The following CHP1 variants were observed in gnomAD, a reference collection of about 807,000 sequenced individuals.
CHP1 encodes the protein calcineurin B homologous protein 1.
Under a neutral mutation model 27.4 loss-of-function variants are expected in CHP1, and 11 were observed. The ratio of observed to expected loss-of-function variants is 0.40; its 90% CI spans 0.25 to 0.67. CHP1 has a LOEUF of 0.67. CHP1 is among the 30% of genes least tolerant of loss of function. The pLI is 0.38. For synonymous variants in CHP1, 89 were observed against 87.4 expected (o/e 1.02, Z -0.10); for missense variants, 169 against 251.3 (o/e 0.67, Z 2.22).
At chr15:41,232,101 C>T (rs1018441154) in intron 1 of CHP1, among the ~76,000 whole-genome samples, 1 of 152,032 alleles carries the variant, frequency 6.6e-6, no homozygotes, top group East Asian at 1.9e-4. Context: ...ACTTGCTGTC[C>T]TAATCTCATA....
chr15:41,255,588 G>T (rs1297463893), intron 2 of CHP1, among the ~76,000 whole-genome samples: 2 of 152,100 alleles, frequency 1.3e-5, no homozygotes, highest in African/African-American at 4.8e-5. Flanking sequence ...CAGTAGAATC[G>T]CTTGAACCCG....
chr15:41,266,999 C>CG (rs2140939490), intron 4 of CHP1, among the ~76,000 whole-genome samples: 1 of 148,804 alleles, frequency 6.7e-6, no homozygotes, highest in South Asian at 2.1e-4. Flanking sequence ...GACTCCATCT[C>CG]GAAAAAAAAA....
intron 5 of CHP1, among the ~76,000 whole-genome samples, chr15:41,274,283 A>C (rs543234836): frequency 5.9e-5 from 9 of 152,254 alleles, no homozygotes; most frequent in Admixed American, 3.9e-4. Flanking sequence ...TGGAACAATA[A>C]GTGGCAACAT....
chr15:41,253,426 T>TTTAC (rs202140339), intron 2 of CHP1, among the ~76,000 whole-genome samples: 3,231 of 34,706 alleles, frequency 0.093, 153 homozygotes, highest in African/African-American at 0.31. Flanking sequence ...TGACAAAGTA[T>TTTAC]TTATTTATTT....
intron 1 of CHP1, among the ~76,000 whole-genome samples, chr15:41,238,055 A>G (rs2047286296): frequency 1.3e-5 from 2 of 151,898 alleles, no homozygotes; most frequent in South Asian, 4.1e-4. Context: ...TTCCTCTGCC[A>G]CTTCTGCTTC....
In CHP1 at chr15:41,263,237, T is replaced by G. The variant is rs1375742961; in HGVS notation, c.349+354T>G. On this transcript the variant is annotated intron_variant, in intron 4 of 6. Coordinates refer to ENST00000334660, the MANE Select transcript of CHP1 (RefSeq NM_007236.5). ...AAGTGTTACCTAGTATCATTATAAT[T>G]CATTGAGCACCTACCGTGTGCCAGG... Among the ~76,000 whole-genome samples, 3 of 152,232 alleles carry G rather than the reference T, an allele frequency of 2.0e-5. No homozygotes were observed. The East Asian group carries it at 5.8e-4, about 29-fold the overall frequency.
chr15:41,256,308 A>G (rs1185668004), intron 2 of CHP1, among the ~76,000 whole-genome samples: 1 of 152,218 alleles, frequency 6.6e-6, no homozygotes, highest in African/African-American at 2.4e-5. Context: ...TCATGTGAGG[A>G]TGACTGCTCT....
intron 4 of CHP1, among the ~76,000 whole-genome samples, chr15:41,263,600 C>T (rs1015028528): frequency 1.3e-5 from 2 of 152,152 alleles, no homozygotes; most frequent in South Asian, 2.1e-4. Flanking sequence ...GAAGGCTGGG[C>T]GCAGTGGCTC....
At chr15:41,255,658 A>T (rs1000441381) in intron 2 of CHP1, among the ~76,000 whole-genome samples, 2 of 151,770 alleles carry the variant, frequency 1.3e-5, no homozygotes, top group Non-Finnish European at 2.9e-5. Context: ...CTGGGAGCGA[A>T]ACTCCATCTC....
chr15:41,265,392 A>T (rs1157299896), intron 4 of CHP1, among the ~76,000 whole-genome samples: 1 of 133,668 alleles, frequency 7.5e-6, no homozygotes, highest in Non-Finnish European at 1.6e-5. Context: ...AAAAAAAAAA[A>T]AAAGGAGATG....
chr15:41,250,739 G>T (rs1383281869), intron 2 of CHP1, among the ~76,000 whole-genome samples: 2 of 150,038 alleles, frequency 1.3e-5, no homozygotes, highest in Non-Finnish European at 3.0e-5. Flanking sequence ...ACCTAATGCT[G>T]AACAATGAAT....
At chr15:41,234,773 A>C (rs937911431) in intron 1 of CHP1, among the ~76,000 whole-genome samples, 2 of 152,162 alleles carry the variant, frequency 1.3e-5, no homozygotes, top group African/African-American at 2.4e-5. Flanking sequence ...TGGTATAATA[A>C]ACTTCATGTG....
chr15:41,279,276 G>A (rs369011693), intron 6 of CHP1, 60 bp from the exon 7 acceptor site: 15 of 1,304,502 alleles, frequency 1.1e-5, no homozygotes, highest in Middle Eastern at 1.8e-4. Context: ...ACTCAGATAA[G>A]AGCTTGGGAG....
intron 2 of CHP1, among the ~76,000 whole-genome samples, chr15:41,255,413 C>G (rs1308477006): frequency 6.6e-6 from 1 of 152,208 alleles, no homozygotes; most frequent in Non-Finnish European, 1.5e-5. Context: ...TGGCTCACGC[C>G]TGTAATCCCA....
chr15:41,245,263 C>T (rs1032386413), intron 2 of CHP1, among the ~76,000 whole-genome samples: 6 of 152,140 alleles, frequency 3.9e-5, no homozygotes, highest in African/African-American at 1.4e-4. Context: ...GAGTTCGAGA[C>T]CAGGCTGGCC....
chr15:41,243,601 G>A (rs893415855), intron 1 of CHP1, 66 bp from the exon 2 acceptor site: 13 of 1,281,984 alleles, frequency 1.0e-5, no homozygotes, highest in Admixed American at 3.7e-5. Flanking sequence ...ATTTGACAGC[G>A]AGGGGTGGGT....
At chr15:41,274,084 C>T (rs111531373) in intron 5 of CHP1, among the ~76,000 whole-genome samples, 4,995 of 152,110 alleles carry the variant, frequency 0.033, 191 homozygotes, top group African/African-American at 0.092. Flanking sequence ...CCTCAGCCTC[C>T]TGAGTAGCTG....
chr15:41,262,600 G>T (rs2047439009), intron 3 of CHP1, among the ~76,000 whole-genome samples, 156 bp from the exon 4 acceptor site: 1 of 152,112 alleles, frequency 6.6e-6, no homozygotes, highest in Non-Finnish European at 1.5e-5. Context: ...TAAATGATAT[G>T]GTACTGTGAG....
chr15:41,257,652 C>T (rs1369080280), intron 3 of CHP1, among the ~76,000 whole-genome samples: 13 of 151,934 alleles, frequency 8.6e-5, no homozygotes, highest in South Asian at 2.1e-4. Flanking sequence ...CTCTGCCTCC[C>T]GGGTTCAAGC....
Sources: gnomAD v4.1 joint callset for allele counts (sites outside exome capture counted in the v4.1 genomes callset) on GRCh38, gnomAD v4.1.1 for gene constraint, MANE v1.5 for transcripts, NCBI Gene and HGNC (gene_info 2026-07-23, HGNC 2026-07-21) for gene names.